The following CAMK1D variants were observed in gnomAD, a reference collection of about 807,000 sequenced individuals.
CAMK1D encodes calcium/calmodulin-dependent protein kinase type 1D.
CAMK1D carries 9 observed loss-of-function variants against 47.7 expected under a neutral mutation model. The observed-to-expected ratio is 0.19, with a 90% confidence interval of 0.11 to 0.33. The LOEUF is 0.33. CAMK1D is among the 10% of genes least tolerant of loss of function. The probability of loss-of-function intolerance (pLI) is 1.00; values close to 1 mark genes in which losing one functional copy is unlikely to be tolerated. For synonymous variants in CAMK1D, 184 were observed against 184.9 expected (o/e 0.99, Z 0.04); for missense variants, 291 against 488.7 (o/e 0.60, Z 3.81).
intron 1 of CAMK1D, among the ~76,000 whole-genome samples, chr10:12,548,099 C>T (rs1321432801): frequency 6.6e-6 from 1 of 152,158 alleles, no homozygotes; most frequent in East Asian, 1.9e-4. Flanking sequence ...AGTAGGAAAC[C>T]GAGTTCTATT....
At chr10:12,769,567 A>G (rs979716378) in intron 4 of CAMK1D, 106 bp from the exon 5 acceptor site, 4 of 1,287,302 alleles carry the variant, frequency 3.1e-6, no homozygotes, top group Non-Finnish European at 1.1e-6. Flanking sequence ...TCCAAAGGTC[A>G]AGGACGTCCT....
At chr10:12,506,885 G>A (rs1834893829) in intron 1 of CAMK1D, among the ~76,000 whole-genome samples, 1 of 152,166 alleles carries the variant, frequency 6.6e-6, no homozygotes. Context: ...CCAACCTCGG[G>A]TCACATCATG....
chr10:12,638,044 G>C (rs909970805), intron 2 of CAMK1D, among the ~76,000 whole-genome samples: 1 of 152,138 alleles, frequency 6.6e-6, no homozygotes, highest in Non-Finnish European at 1.5e-5. Flanking sequence ...GAGGACGGGG[G>C]GATTCCGATA....
At chr10:12,457,779 C>CAAAAAAA (rs5783269) in intron 1 of CAMK1D, among the ~76,000 whole-genome samples, 3 of 71,108 alleles carry the variant, frequency 4.2e-5, no homozygotes, top group Non-Finnish European at 5.8e-5. Flanking sequence ...GACTCTGTCT[C>CAAAAAAA]AAAAAAAAAA....
chr10:12,410,967 C>T (rs1839636136), intron 1 of CAMK1D, among the ~76,000 whole-genome samples: 1 of 152,094 alleles, frequency 6.6e-6, no homozygotes, highest in Admixed American at 6.5e-5. Context: ...TCGTGTGTAC[C>T]AGTGATGTTT....
chr10:12,759,945 A>G (rs1232109430), intron 3 of CAMK1D, among the ~76,000 whole-genome samples: 1 of 151,966 alleles, frequency 6.6e-6, no homozygotes. Context: ...TGTTTATTTA[A>G]GTTGCTTTTT....
intron 1 of CAMK1D, among the ~76,000 whole-genome samples, chr10:12,387,954 G>A (rs1838583265): frequency 6.6e-6 from 1 of 152,166 alleles, no homozygotes; most frequent in African/African-American, 2.4e-5. Context: ...TCATGAGTGA[G>A]TGAGCAGATG....
rs1833481922 is a variant in CAMK1D at position 12,834,956 on chromosome 10, C to T, written c.*6069C>T. 2 of 152,222 alleles carry T rather than the reference C, an allele frequency of 1.3e-5. No homozygotes were observed. Among genetic ancestry groups the T allele is most frequent in the South Asian group, 4.1e-4 (2 of 4,824 alleles). 9.4% of individuals were successfully genotyped at this position (152,222 alleles called of 1,614,324 possible). ...TGTCTCTCAGCCCTGACACCTGCCA[C>T]TCTCCTTCCCGGGGCACTTGGCCCT... On this transcript the variant is annotated 3_prime_UTR_variant, in exon 11 of 11. Transcript: ENST00000619168.
intron 3 of CAMK1D, among the ~76,000 whole-genome samples, chr10:12,698,673 A>ATTTTTGT (rs1833390552): frequency 9.6e-6 from 1 of 103,904 alleles, no homozygotes; most frequent in Admixed American, 1.2e-4. Context: ...CCTTTAAAGA[A>ATTTTTGT]TTTTTTTTTT....
intron 1 of CAMK1D, among the ~76,000 whole-genome samples, chr10:12,361,888 C>T (rs903677672): frequency 3.3e-5 from 5 of 152,096 alleles, no homozygotes; most frequent in South Asian, 2.1e-4. Flanking sequence ...TATAGTTAAA[C>T]GCCTCCTCCA....
At position 12,419,092 on chromosome 10, in the gene CAMK1D, T is replaced by C. The variant is rs529472083; in HGVS notation, c.92+69182T>C. Among the ~76,000 whole-genome samples the C allele has an allele frequency of 7.9e-5, 12 of 152,278 alleles. No individual in the cohort carries two copies. The South Asian group carries it at 2.3e-3, about 29-fold the overall frequency. On this transcript the variant is annotated intron_variant, in intron 1 of 10. Coordinates refer to ENST00000619168, the MANE Select transcript of CAMK1D (RefSeq NM_153498.4). ...GGAAAGGTGTCTGAGAGGTCATCCGTTTCAAACTTCATCATCTCAAATGAA... is the reference window on the plus strand; with the variant it reads ...GGAAAGGTGTCTGAGAGGTCATCCGCTTCAAACTTCATCATCTCAAATGAA...
At chr10:12,801,215 T>C (rs1366490608) in intron 6 of CAMK1D, among the ~76,000 whole-genome samples, 1 of 150,742 alleles carries the variant, frequency 6.6e-6, no homozygotes, top group African/African-American at 2.5e-5. Context: ...AGATGTTACA[T>C]CTCTAGTATC....
intron 2 of CAMK1D, among the ~76,000 whole-genome samples, chr10:12,581,036 C>T (rs1432865462): frequency 6.6e-6 from 1 of 152,054 alleles, no homozygotes; most frequent in South Asian, 2.1e-4. Flanking sequence ...TATCCCTTAC[C>T]CATCCCCACC....
chr10:12,393,929 A>G (rs138156588), intron 1 of CAMK1D, among the ~76,000 whole-genome samples: 1 of 152,298 alleles, frequency 6.6e-6, no homozygotes, highest in East Asian at 1.9e-4. Flanking sequence ...GTGTCCTAGA[A>G]TTCACCTGTG....
chr10:12,355,857 AG>A (rs1837496550), intron 1 of CAMK1D, among the ~76,000 whole-genome samples: 1 of 152,192 alleles, frequency 6.6e-6, no homozygotes, highest in South Asian at 2.1e-4. Context: ...AGAAAATACA[AG>A]GGGCAAAGAA....
chr10:12,414,070 G>A (rs568659346), intron 1 of CAMK1D, among the ~76,000 whole-genome samples: 4 of 152,298 alleles, frequency 2.6e-5, no homozygotes, highest in East Asian at 1.9e-4. Context: ...CTCTCATCCA[G>A]TTCCCTGATA....
intron 3 of CAMK1D, among the ~76,000 whole-genome samples, chr10:12,702,566 G>T (rs953435879): frequency 6.6e-6 from 1 of 152,192 alleles, no homozygotes; most frequent in Admixed American, 6.5e-5. Flanking sequence ...AAGCAGTGTG[G>T]GCCGCACCTG....
intron 2 of CAMK1D, among the ~76,000 whole-genome samples, chr10:12,573,434 A>G (rs1430943841): frequency 1.3e-5 from 2 of 152,206 alleles, no homozygotes; most frequent in Admixed American, 1.3e-4. Context: ...TTGGCACGAA[A>G]GTCAGCTGTG....
At chr10:12,352,108 G>C (rs1837370514) in intron 1 of CAMK1D, among the ~76,000 whole-genome samples, 1 of 152,146 alleles carries the variant, frequency 6.6e-6, no homozygotes, top group African/African-American at 2.4e-5. Flanking sequence ...TTGCAGATGA[G>C]AAAACTAAGG....
Sources: gnomAD v4.1 joint callset for allele counts (sites outside exome capture counted in the v4.1 genomes callset) on GRCh38, gnomAD v4.1.1 for gene constraint, MANE v1.5 for transcripts, NCBI Gene and HGNC (gene_info 2026-07-23, HGNC 2026-07-21) for gene names.